Variants in NEMP2 observed in about 807,000 individuals in gnomAD.
The protein encoded by NEMP2 is nuclear envelope integral membrane protein 2, also known as UPF0571 transmembrane protein.
Under a neutral mutation model 54.2 loss-of-function variants are expected in NEMP2, and 53 were observed. That is an observed-to-expected ratio of 0.98 (90% CI 0.78 to 1.23). The LOEUF (loss-of-function observed/expected upper bound fraction) is 1.23. Among genes scored for constraint, NEMP2 ranks in the 50% most tolerant of loss-of-function variants. NEMP2 has a pLI of 0.00. For missense variants in NEMP2, 455 were observed against 511.3 expected, an observed-to-expected ratio of 0.89 and a Z score of 1.06; for synonymous variants, 197 against 190.3, an observed-to-expected ratio of 1.04 and a Z score of -0.29.
chr2:190,478,547 C>G, the NEMP2 span, among the ~76,000 whole-genome samples: 1 of 152,188 alleles, frequency 6.6e-6, no homozygotes, highest in African/African-American at 2.4e-5. Flanking sequence ...GTCCAAATGG[C>G]TTTAAAGTCC....
At chr2:190,644,635 A>C in the NEMP2 span, among the ~76,000 whole-genome samples, 2 of 152,172 alleles carry the variant, frequency 1.3e-5, no homozygotes, top group East Asian at 1.9e-4. The surrounding 1 kb of genome is among the most constrained non-coding windows in gnomAD (Gnocchi z 4.4). Flanking sequence ...TTAGCAAACT[A>C]ACACAGGAAC....
chr2:190,541,170 A>T, the NEMP2 span, among the ~76,000 whole-genome samples: 2 of 139,444 alleles, frequency 1.4e-5, no homozygotes. This position sits in a 1 kb window ranked among gnomAD's most constrained non-coding sequence, Gnocchi z 5.2. Context: ...ATTTCATTTT[A>T]TATATATGTG....
chr2:190,586,113 G>A, the NEMP2 span, among the ~76,000 whole-genome samples: 1 of 152,092 alleles, frequency 6.6e-6, no homozygotes, highest in Admixed American at 6.6e-5. The surrounding 1 kb of genome is among the most constrained non-coding windows in gnomAD (Gnocchi z 4.5). Flanking sequence ...AATTCGTTCT[G>A]TATTCCCCTT....
chr2:190,594,766 C>T, the NEMP2 span, among the ~76,000 whole-genome samples: 1 of 152,060 alleles, frequency 6.6e-6, no homozygotes, highest in African/African-American at 2.4e-5. The surrounding 1 kb of genome is among the most constrained non-coding windows in gnomAD (Gnocchi z 5.6). Flanking sequence ...GAGTTAGCTG[C>T]AAATCCCAGT....
the NEMP2 span, among the ~76,000 whole-genome samples, chr2:190,452,170 G>A: frequency 1.3e-4 from 19 of 151,650 alleles, no homozygotes; most frequent in South Asian, 1.7e-3. Flanking sequence ...ATCTCCAATC[G>A]CTTGAACCTG....
chr2:190,627,928 C>G, the NEMP2 span: 2 of 152,250 alleles, frequency 1.3e-5, no homozygotes, highest in African/African-American at 4.8e-5. The surrounding 1 kb of genome is among the most constrained non-coding windows in gnomAD (Gnocchi z 4.4). Context: ...CAGACTGCAT[C>G]GCGCAGGCCA....
rs1691049907 is a variant in NEMP2, at chr2:190,529,112, G to A, written c.98-3734C>T. On this transcript the variant is annotated intron_variant, in intron 1 of 8. Transcript: ENST00000409150. This position sits in a 1 kb window ranked among gnomAD's most constrained non-coding sequence, Gnocchi z 4.7. The stretch of plus-strand genomic sequence containing the variant: ...AATTTCGCTTGAACCTGGGAGGCGA[G>A]GTTGCAGTGAGCTGAGATCACACCA... Among the ~76,000 whole-genome samples, 1 of 152,112 alleles carries A rather than the reference G, an allele frequency of 6.6e-6. No homozygotes were observed. The highest frequency in any genetic ancestry group is 2.1e-4 in the South Asian group (1 of 4,822).
the NEMP2 span, chr2:190,646,660 T>C: frequency 6.6e-6 from 1 of 152,232 alleles, no homozygotes; most frequent in African/African-American, 2.4e-5. Context: ...ACTATCTAAA[T>C]GTGCCCAGAA....
chr2:190,458,984 G>A, the NEMP2 span, among the ~76,000 whole-genome samples: 1 of 152,188 alleles, frequency 6.6e-6, no homozygotes, highest in African/African-American at 2.4e-5. This position sits in a 1 kb window ranked among gnomAD's most constrained non-coding sequence, Gnocchi z 5.3. Context: ...AAGAACATCT[G>A]TTGTACTGAC....
At chr2:190,580,659 G>A in the NEMP2 span, among the ~76,000 whole-genome samples, 4 of 152,172 alleles carry the variant, frequency 2.6e-5, no homozygotes, top group African/African-American at 9.7e-5. This position sits in a 1 kb window ranked among gnomAD's most constrained non-coding sequence, Gnocchi z 5.3. Context: ...AGACACTACA[G>A]GATAAAGCTC....
At chr2:190,465,673 G>C in the NEMP2 span, among the ~76,000 whole-genome samples, 5 of 152,170 alleles carry the variant, frequency 3.3e-5, no homozygotes, top group Non-Finnish European at 5.9e-5. The surrounding 1 kb of genome is among the most constrained non-coding windows in gnomAD (Gnocchi z 4.6). Context: ...TTACCACAAA[G>C]TACCACGGTC....
At chr2:190,551,979 G>A in the NEMP2 span, among the ~76,000 whole-genome samples, 2 of 152,168 alleles carry the variant, frequency 1.3e-5, no homozygotes. Flanking sequence ...TCTTTAGTGT[G>A]ACCCAGTCCT....
the NEMP2 span, among the ~76,000 whole-genome samples, chr2:190,589,329 G>A: frequency 1.3e-5 from 2 of 152,134 alleles, no homozygotes; most frequent in East Asian, 3.9e-4. This position sits in a 1 kb window ranked among gnomAD's most constrained non-coding sequence, Gnocchi z 4.3. Context: ...CCTGACCCTT[G>A]GAAGCCTTGT....
the NEMP2 span, among the ~76,000 whole-genome samples, chr2:190,619,315 T>C: frequency 1.4e-5 from 2 of 146,784 alleles, no homozygotes; most frequent in Admixed American, 6.9e-5. This position sits in a 1 kb window ranked among gnomAD's most constrained non-coding sequence, Gnocchi z 5.5. Flanking sequence ...CTGGGCAACA[T>C]ATGGAGACAC....
chr2:190,572,554 AG>A, the NEMP2 span, among the ~76,000 whole-genome samples: 1 of 152,128 alleles, frequency 6.6e-6, no homozygotes, highest in African/African-American at 2.4e-5. Context: ...AAGAGGAGGA[AG>A]GGAGAGCAAA....
the NEMP2 span, among the ~76,000 whole-genome samples, chr2:190,620,142 C>T: frequency 6.6e-6 from 1 of 152,208 alleles, no homozygotes; most frequent in Non-Finnish European, 1.5e-5. This position sits in a 1 kb window ranked among gnomAD's most constrained non-coding sequence, Gnocchi z 4.9. Flanking sequence ...ATAATGTCTT[C>T]TCTTCTTAGA....
the NEMP2 span, among the ~76,000 whole-genome samples, chr2:190,544,217 G>A: frequency 5.3e-5 from 8 of 152,028 alleles, no homozygotes; most frequent in African/African-American, 7.2e-5. Flanking sequence ...TTGATTTGTT[G>A]TATCACGTTT....
chr2:190,599,128 T>G, the NEMP2 span, among the ~76,000 whole-genome samples: 651 of 152,324 alleles, frequency 4.3e-3, 1 homozygote, highest in Non-Finnish European at 6.2e-3. Context: ...TCTCCATTAT[T>G]TTGATATTAG....
chr2:190,601,520 T>G, the NEMP2 span, among the ~76,000 whole-genome samples: 2 of 152,226 alleles, frequency 1.3e-5, no homozygotes, highest in African/African-American at 4.8e-5. The surrounding 1 kb of genome is among the most constrained non-coding windows in gnomAD (Gnocchi z 5.8). Context: ...AAATGTGTAC[T>G]GTCCAAATCC....
Sources: allele counts gnomAD v4.1 joint callset (sites outside exome capture counted in the v4.1 genomes callset), GRCh38; gene constraint gnomAD v4.1.1; non-coding constraint Gnocchi (gnomAD v3.1); transcripts MANE v1.5; gene names NCBI Gene and HGNC (gene_info 2026-07-23, HGNC 2026-07-21).